Variants in BUB1B observed in about 807,000 individuals in gnomAD.
BUB1B encodes mitotic checkpoint serine/threonine-protein kinase BUB1 beta.
Under a neutral mutation model 137.7 loss-of-function variants are expected in BUB1B, and 86 were observed. That is an observed-to-expected ratio of 0.62 (90% CI 0.52 to 0.75). BUB1B has a LOEUF of 0.75. Ranked by LOEUF, BUB1B falls within the 30% of genes least tolerant of loss-of-function variation. The pLI, the probability that BUB1B is intolerant of heterozygous loss-of-function variation, is 0.00. For missense variants in BUB1B, 1,130 were observed against 1,236.9 expected, an observed-to-expected ratio of 0.91 and a Z score of 1.30; for synonymous variants, 420 against 417.9, an observed-to-expected ratio of 1.00 and a Z score of -0.06.
At chr15:40,204,803 A>AT (rs1468060235) in intron 14 of BUB1B, among the ~76,000 whole-genome samples, 1 of 151,052 alleles carries the variant, frequency 6.6e-6, no homozygotes, top group Admixed American at 6.6e-5. Context: ...TGCCTGGCTA[A>AT]TTTTTTATTT....
chr15:40,213,780 T>A (rs2037743051), intron 20 of BUB1B, among the ~76,000 whole-genome samples: 1 of 152,174 alleles, frequency 6.6e-6, no homozygotes, highest in African/African-American at 2.4e-5. Context: ...TCAAGTGATC[T>A]GCCCACCTCA....
Position 40,176,519 on chromosome 15 carries a change from C to A in BUB1B, c.427C>A (p.His143Asn). 2 of 1,614,108 alleles carry A rather than the reference C, an allele frequency of 1.2e-6. No homozygotes were observed. The highest frequency in any genetic ancestry group is 1.7e-6 in the Non-Finnish European group (2 of 1,180,004). ...NEPLDMYSYL[H>N]NQGIGVSLAQ... is the part of the protein sequence containing the mutation. ...GCCTTTGGATATGTACAGTTACTTG[C>A]ACAACCAAGGGATTGGTGTTTCACT... Residue 143 changes from histidine (H) to asparagine (N), a missense_variant, in exon 5 of 23, where the codon CAC becomes AAC. Coordinates refer to ENST00000287598, the MANE Select transcript of BUB1B (RefSeq NM_001211.6).
chr15:40,166,113 A>C (rs1457141186), intron 2 of BUB1B, among the ~76,000 whole-genome samples: 1 of 152,222 alleles, frequency 6.6e-6, no homozygotes, highest in Non-Finnish European at 1.5e-5. Context: ...TTGGCATCCC[A>C]AAGTGCTGGG....
intron 18 of BUB1B, among the ~76,000 whole-genome samples, chr15:40,211,416 C>G (rs899879108): frequency 1.3e-5 from 2 of 152,056 alleles, no homozygotes; most frequent in Admixed American, 6.6e-5. Flanking sequence ...GTAGGATGAT[C>G]TAGTTTGGCC....
chr15:40,205,694 G>T (rs1225169752), intron 14 of BUB1B, among the ~76,000 whole-genome samples: 2 of 152,134 alleles, frequency 1.3e-5, no homozygotes, highest in African/African-American at 4.8e-5. Context: ...AAAAGTATGA[G>T]AAAGAGCAAT....
At chr15:40,167,395 G>C (rs1164221866) in intron 2 of BUB1B, among the ~76,000 whole-genome samples, 38 of 125,984 alleles carry the variant, frequency 3.0e-4, no homozygotes, top group Non-Finnish European at 1.6e-5. Context: ...TTGTTGCCCA[G>C]GCTGGAGCGC....
intron 8 of BUB1B, among the ~76,000 whole-genome samples, chr15:40,193,452 T>A (rs945512320): frequency 1.6e-4 from 23 of 140,742 alleles, no homozygotes; most frequent in African/African-American, 4.0e-4. Flanking sequence ...TTTTTTTTTT[T>A]ATATGCTTAT....
chr15:40,192,195 T>G (rs2037446691), intron 8 of BUB1B, among the ~76,000 whole-genome samples: 1 of 152,250 alleles, frequency 6.6e-6, no homozygotes. Context: ...ATACAAGTTT[T>G]GCACTTCTTT....
chr15:40,195,831 G>C (rs1404144242), intron 8 of BUB1B, among the ~76,000 whole-genome samples: 1 of 151,986 alleles, frequency 6.6e-6, no homozygotes, highest in South Asian at 2.1e-4. Context: ...AGGATTGTTT[G>C]TTTTTTTCTT....
Position 40,176,536 on chromosome 15 carries a change from T to G in BUB1B, c.444T>G (p.Gly148=). The G allele has an allele frequency of 1.2e-6, 2 of 1,614,152 alleles. No homozygotes were observed. Among genetic ancestry groups the G allele is most frequent in the East Asian group, 2.2e-5 (1 of 44,870 alleles). ...GTTACTTGCACAACCAAGGGATTGG[T>G]GTTTCACTTGCTCAGTTCTATATCT... ...MYSYLHNQGI[G]VSLAQFYISW... Residue 148 remains glycine, a synonymous_variant, in exon 5 of 23, where the codon GGT becomes GGG. Coordinates refer to ENST00000287598, the MANE Select transcript of BUB1B (RefSeq NM_001211.6).
Position 40,206,040 on chromosome 15 carries a change from T to C in BUB1B, c.1735-144T>C, listed in dbSNP as rs1044683812. 1.4e-5 allele frequency: 11 copies of C among 790,490 alleles called. No individual in the cohort carries two copies. In the East Asian group the frequency reaches 3.0e-4, roughly 22 times the overall value. 49.0% of individuals were successfully genotyped at this position (790,490 alleles called of 1,614,324 possible). ...GAAGTATAGTTTACTGTGTTCATGA[T>C]ATAAAAACCTTTTTATATTTGCCTA... On this transcript the variant is annotated intron_variant, in intron 14 of 22. Coordinates refer to ENST00000287598, the MANE Select transcript of BUB1B (RefSeq NM_001211.6).
At chr15:40,178,944 A>G (rs1309230545) in intron 5 of BUB1B, among the ~76,000 whole-genome samples, 3 of 152,034 alleles carry the variant, frequency 2.0e-5, no homozygotes, top group Admixed American at 6.6e-5. Context: ...AATCATCATT[A>G]CAATCTAATT....
intron 5 of BUB1B, among the ~76,000 whole-genome samples, chr15:40,180,426 C>T (rs1296307473): frequency 6.6e-6 from 1 of 150,942 alleles, no homozygotes; most frequent in Non-Finnish European, 1.5e-5. Flanking sequence ...CCACCACACC[C>T]GGCTAATTTT....
chr15:40,200,177 G>C (rs2037546966), intron 10 of BUB1B, 67 bp from the exon 11 acceptor site: 1 of 1,079,904 alleles, frequency 9.3e-7, no homozygotes, highest in East Asian at 2.5e-5. Context: ...TAAAGCTAAT[G>C]TTAGAACTAG....
intron 20 of BUB1B, among the ~76,000 whole-genome samples, chr15:40,214,268 G>A (rs2037748202): frequency 6.6e-6 from 1 of 152,188 alleles, no homozygotes; most frequent in Non-Finnish European, 1.5e-5. Flanking sequence ...AACCCAGTGT[G>A]TCCATCAGGT....
rs374307209 is a variant in BUB1B at position 40,185,310 on chromosome 15, C to G, written c.897C>G (p.Pro299=). The change falls in exon 7 of 23, where the codon CCC becomes CCG. Residue 299 remains proline, a synonymous_variant. Coordinates refer to ENST00000287598, the MANE Select transcript of BUB1B (RefSeq NM_001211.6). ...CAGTCCAGCCATGGATAGCACCCCCCATGCCCAGGGCCAAAGAGAATGAGC... is the reference window on the plus strand; with the variant it reads ...CAGTCCAGCCATGGATAGCACCCCCGATGCCCAGGGCCAAAGAGAATGAGC... ...KPTVQPWIAP[P]MPRAKENELQ... 85 of 1,614,066 alleles carry G rather than the reference C, an allele frequency of 5.3e-5. No homozygotes were observed. Among genetic ancestry groups the G allele is most frequent in the Non-Finnish European group, 6.8e-5 (80 of 1,180,044 alleles).
intron 8 of BUB1B, among the ~76,000 whole-genome samples, chr15:40,187,843 G>A (rs145109873): frequency 1.3e-5 from 2 of 152,022 alleles, no homozygotes; most frequent in African/African-American, 2.4e-5. Flanking sequence ...TTGTGGCTAC[G>A]GTGAGCTGTG....
intron 8 of BUB1B, 95 bp from the exon 9 acceptor site, chr15:40,196,450 G>C (rs1257214076): frequency 1.0e-5 from 12 of 1,151,738 alleles, no homozygotes; most frequent in Admixed American, 3.8e-5. Flanking sequence ...CATAATTATT[G>C]ATGGCCCTTG....
chr15:40,196,883 T>A, intron 9 of BUB1B, 109 bp downstream of exon 9: 1 of 984,114 alleles, frequency 1.0e-6, no homozygotes, highest in Non-Finnish European at 1.6e-6. Context: ...CTTTGTATGA[T>A]GTTTCTATGG....
Sources: gnomAD v4.1 joint callset for allele counts (sites outside exome capture counted in the v4.1 genomes callset) on GRCh38, gnomAD v4.1.1 for gene constraint, MANE v1.5 for transcripts, NCBI Gene and HGNC (gene_info 2026-07-23, HGNC 2026-07-21) for gene names.